The following ACYP2 variants were observed in gnomAD, a reference collection of about 807,000 sequenced individuals.
ACYP2 encodes the protein acylphosphatase-2.
Under a neutral mutation model 11.2 loss-of-function variants are expected in ACYP2, and 12 were observed. The ratio of observed to expected loss-of-function variants is 1.08; its 90% confidence interval spans 0.69 to 1.74. The LOEUF is 1.74. Ranked by LOEUF, ACYP2 falls within the 40% of genes most tolerant of loss-of-function variation. The probability of loss-of-function intolerance (pLI) is 0.00; values close to 1 mark genes in which losing one functional copy is unlikely to be tolerated. For missense variants in ACYP2, 134 were observed against 101.9 expected (o/e 1.31, Z -1.35); for synonymous variants, 43 against 32.2 (o/e 1.33, Z -1.13).
intron 6 of ACYP2, among the ~76,000 whole-genome samples, chr2:54,278,257 C>T (rs190478461): frequency 6.1e-4 from 93 of 152,306 alleles, no homozygotes; most frequent in African/African-American, 2.1e-3. Flanking sequence ...GGATTACAGG[C>T]GTCAGCCACC....
chr2:54,185,806 C>T (rs1457830230), intron 6 of ACYP2, among the ~76,000 whole-genome samples: 1 of 151,916 alleles, frequency 6.6e-6, no homozygotes, highest in Admixed American at 6.6e-5. Flanking sequence ...ATACAGACAC[C>T]AAGTCTTAGA....
At chr2:54,225,014 T>C (rs1685953172) in intron 6 of ACYP2, among the ~76,000 whole-genome samples, 1 of 152,166 alleles carries the variant, frequency 6.6e-6, no homozygotes, top group Non-Finnish European at 1.5e-5. Context: ...TCCTGAGCAG[T>C]TGCAAGATAA....
At chr2:54,139,070 TCA>T (rs1190929298) in intron 6 of ACYP2, among the ~76,000 whole-genome samples, 3 of 152,254 alleles carry the variant, frequency 2.0e-5, no homozygotes, top group Non-Finnish European at 4.4e-5. Flanking sequence ...GAAGAAATTC[TCA>T]GAGTTGGGAG....
intron 6 of ACYP2, among the ~76,000 whole-genome samples, chr2:54,167,567 G>C (rs538812588): frequency 6.6e-6 from 1 of 152,222 alleles, no homozygotes; most frequent in African/African-American, 2.4e-5. Flanking sequence ...TAAATTTGCT[G>C]TAAGAGACAT....
At chr2:54,257,569 C>T (rs886529187) in intron 6 of ACYP2, among the ~76,000 whole-genome samples, 2 of 151,942 alleles carry the variant, frequency 1.3e-5, no homozygotes, top group Non-Finnish European at 2.9e-5. Context: ...ATATAAAAGA[C>T]CAATAGAATT....
At chr2:54,003,023 A>G (rs190771939) in intron 2 of ACYP2, among the ~76,000 whole-genome samples, 37 of 151,808 alleles carry the variant, frequency 2.4e-4, no homozygotes, top group African/African-American at 7.2e-4. Flanking sequence ...TCTAGGCTCA[A>G]TGCAACCTCC....
intron 2 of ACYP2, chr2:54,050,833 A>G (rs1420262267): frequency 2.7e-6 from 1 of 365,420 alleles, no homozygotes; most frequent in Non-Finnish European, 4.9e-6. Context: ...GGAGTGCAGT[A>G]GCACCATCAT....
At chr2:54,050,016 G>C (rs562515237) in intron 2 of ACYP2, among the ~76,000 whole-genome samples, 10 of 152,238 alleles carry the variant, frequency 6.6e-5, no homozygotes, top group African/African-American at 1.9e-4. Context: ...CTTCTCAGTG[G>C]ACAGTTAGAA....
chr2:54,043,093 G>GTA (rs1413941147), intron 2 of ACYP2, among the ~76,000 whole-genome samples: 2 of 152,156 alleles, frequency 1.3e-5, no homozygotes, highest in Non-Finnish European at 2.9e-5. Flanking sequence ...GTGTGTGTGT[G>GTA]TGTGTCTGCT....
chr2:54,105,794 C>T (rs1297138370), intron 4 of ACYP2, among the ~76,000 whole-genome samples: 5 of 151,886 alleles, frequency 3.3e-5, no homozygotes, highest in Admixed American at 6.6e-5. Flanking sequence ...GCGCCTGGAC[C>T]CTATTAATAA....
rs554234623 is a variant in ACYP2, at chr2:53,973,777, G to T, written c.29G>T (p.Gly10Val). 4.3e-5 allele frequency: 15 copies of T among 347,868 alleles called. No homozygotes were observed. In the East Asian group the frequency reaches 5.9e-4, roughly 14 times the overall value. The allele number at this position is 347,868 out of a possible 1,614,324, so 21.5% of individuals were successfully genotyped here. A position where few individuals can be genotyped will look rare whatever the true frequency, so the allele number is the denominator to read the frequency against. Residue 10 changes from glycine to valine, a missense_variant, in exon 2 of 7, where the codon GGT becomes GTT. Physicochemically the swap from Gly to Val is moderately radical, Grantham distance 109. Coordinates refer to ENST00000607452, the MANE Select transcript of ACYP2 (RefSeq NM_001320586.2). Reference sequence around the variant, plus strand: ...TTGCTCACACAAAGCCTGTTTGGTGGTCTCTTCCCACGGACGCGCGAGACA... The same window carrying T: ...TTGCTCACACAAAGCCTGTTTGGTGTTCTCTTCCCACGGACGCGCGAGACA...
At chr2:54,041,238 C>A (rs370099509) in intron 2 of ACYP2, among the ~76,000 whole-genome samples, 2 of 152,116 alleles carry the variant, frequency 1.3e-5, no homozygotes, top group Admixed American at 1.3e-4. Context: ...TGAGCCATCA[C>A]GCCCGGCCAG....
chr2:54,169,870 G>A (rs1298687711), intron 6 of ACYP2, among the ~76,000 whole-genome samples: 1 of 152,050 alleles, frequency 6.6e-6, no homozygotes, highest in Non-Finnish European at 1.5e-5. Context: ...TAGTTTTAGC[G>A]ATTTTTTTGA....
chr2:54,141,983 T>TTGTGTGTGTGTG lies in ACYP2; in HGVS notation c.404+3253_404+3264dup, dbSNP rs56673055. 3.8e-4 allele frequency: 176 copies of TTGTGTGTGTGTG among 459,554 alleles called. 1 individual carries two copies. Among genetic ancestry groups the TTGTGTGTGTGTG allele is most frequent in the Admixed American group, 1.1e-3 (33 of 28,702 alleles). 28.5% of individuals were successfully genotyped at this position (459,554 alleles called of 1,614,324 possible). On this transcript the variant is annotated intron_variant, in intron 6 of 6. Transcript: ENST00000607452. ...CTCCTGAGTGCACATGCTGGCTAAT[T>TTGTGTGTGTGTG]TGTGTGTGTGTGTGTGTGTGTGTGT... is the stretch of plus-strand genomic sequence containing the variant.
intron 3 of ACYP2, chr2:54,051,756 G>A: frequency 1.9e-6 from 1 of 535,624 alleles, no homozygotes. Context: ...AGAAAAAGAA[G>A]GAAGAGTGCC....
At chr2:54,065,345 T>C in intron 4 of ACYP2, 1 of 395,370 alleles carries the variant, frequency 2.5e-6, no homozygotes, top group Non-Finnish European at 4.5e-6. Flanking sequence ...TAAATCCTGA[T>C]TGCTATCGAT....
intron 4 of ACYP2, among the ~76,000 whole-genome samples, chr2:54,129,887 ATAT>A (rs757320887): frequency 3.7e-4 from 55 of 148,354 alleles, no homozygotes; most frequent in Non-Finnish European, 4.0e-4. Context: ...ATTATTAATG[ATAT>A]TATATTATAA....
At chr2:54,091,937 G>T (rs977660443) in intron 4 of ACYP2, among the ~76,000 whole-genome samples, 2 of 152,252 alleles carry the variant, frequency 1.3e-5, no homozygotes, top group East Asian at 1.9e-4. Flanking sequence ...GAAAGAAAGT[G>T]TTTGTAATAG....
chr2:54,230,059 A>G (rs1356446480), intron 6 of ACYP2, among the ~76,000 whole-genome samples: 1 of 152,334 alleles, frequency 6.6e-6, no homozygotes, highest in African/African-American at 2.4e-5. Context: ...TGACTCTGGC[A>G]TAACATTATG....
Sources: allele counts gnomAD v4.1 joint callset (sites outside exome capture counted in the v4.1 genomes callset), GRCh38; gene constraint gnomAD v4.1.1; transcripts MANE v1.5; gene names NCBI Gene and HGNC (gene_info 2026-07-23, HGNC 2026-07-21).